Variants in NSMCE2 observed in about 807,000 individuals in gnomAD.
The protein encoded by NSMCE2 is E3 SUMO-protein ligase NSE2.
NSMCE2 carries 24 observed loss-of-function variants against 23.8 expected under a neutral mutation model. The ratio of observed to expected loss-of-function variants is 1.01; its 90% CI spans 0.73 to 1.42. The LOEUF (loss-of-function observed/expected upper bound fraction) is 1.42, where lower values mean the gene tolerates loss of function less well. NSMCE2 is among the 40% of genes most tolerant of loss of function. NSMCE2 has a pLI of 0.00. For missense variants in NSMCE2, 284 were observed against 296.5 expected, an observed-to-expected ratio of 0.96 and a Z score of 0.31; for synonymous variants, 92 against 94.1, an observed-to-expected ratio of 0.98 and a Z score of 0.13.
intron 3 of NSMCE2, among the ~76,000 whole-genome samples, chr8:125,140,478 C>G (rs930967571): frequency 7.9e-5 from 12 of 152,164 alleles, no homozygotes; most frequent in Admixed American, 2.0e-4. Flanking sequence ...GCCTGGCCAA[C>G]ATGGTGAAAC....
chr8:125,212,199 A>G (rs1312761166), intron 5 of NSMCE2, among the ~76,000 whole-genome samples: 4 of 152,188 alleles, frequency 2.6e-5, no homozygotes, highest in East Asian at 1.9e-4. Context: ...GCTCTTTGCT[A>G]CCGACTTTTA....
intron 5 of NSMCE2, among the ~76,000 whole-genome samples, chr8:125,345,139 G>A (rs56117234): frequency 0.027 from 4,084 of 152,180 alleles, 177 homozygotes; most frequent in African/African-American, 0.094. Flanking sequence ...AGAGGTGATC[G>A]GGGGCGTAGA....
chr8:125,196,535 T>G (rs1231600743), intron 5 of NSMCE2, among the ~76,000 whole-genome samples: 2 of 152,190 alleles, frequency 1.3e-5, no homozygotes, highest in African/African-American at 4.8e-5. Flanking sequence ...CATGAACTCA[T>G]CCCTTTTATG....
At chr8:125,211,143 A>G (rs1441550976) in intron 5 of NSMCE2, among the ~76,000 whole-genome samples, 1 of 152,198 alleles carries the variant, frequency 6.6e-6, no homozygotes, top group Non-Finnish European at 1.5e-5. Context: ...TATGTATAAT[A>G]ACATTATTAT....
chr8:125,152,944 A>C (rs1330321161), intron 4 of NSMCE2, among the ~76,000 whole-genome samples: 1 of 150,912 alleles, frequency 6.6e-6, no homozygotes, highest in Non-Finnish European at 1.5e-5. Context: ...GTAATCCCAG[A>C]TACTCAGGAG....
At chr8:125,106,941 A>T (rs1299367061) in intron 3 of NSMCE2, among the ~76,000 whole-genome samples, 2 of 151,572 alleles carry the variant, frequency 1.3e-5, no homozygotes, top group Non-Finnish European at 2.9e-5. Context: ...GGTTGCAGTG[A>T]GCCGAGATCA....
chr8:125,341,780 A>G (rs1830258810), intron 5 of NSMCE2, among the ~76,000 whole-genome samples: 1 of 151,874 alleles, frequency 6.6e-6, no homozygotes, highest in Admixed American at 6.6e-5. Context: ...TGGGTCTTGC[A>G]GAGCACTCCT....
At chr8:125,180,058 T>C (rs750569968) in intron 4 of NSMCE2, among the ~76,000 whole-genome samples, 2 of 152,238 alleles carry the variant, frequency 1.3e-5, no homozygotes, top group Non-Finnish European at 2.9e-5. Context: ...ATAATCCTTT[T>C]CTAAGAACCA....
intron 3 of NSMCE2, among the ~76,000 whole-genome samples, chr8:125,148,565 G>GT (rs962442034): frequency 9.9e-5 from 15 of 152,262 alleles, no homozygotes; most frequent in African/African-American, 3.4e-4. Context: ...AGATACTTTA[G>GT]TGAGTGCCTG....
chr8:125,100,319 TA>T (rs1057063478), intron 1 of NSMCE2, among the ~76,000 whole-genome samples: 60 of 152,274 alleles, frequency 3.9e-4, no homozygotes, highest in African/African-American at 1.3e-3. Flanking sequence ...ACTTCATTCC[TA>T]CCTGCCTTTT....
chr8:125,337,884 CAAAAAAAA>C (rs35658538), intron 5 of NSMCE2, among the ~76,000 whole-genome samples: 2 of 97,376 alleles, frequency 2.1e-5, no homozygotes, highest in Non-Finnish European at 4.0e-5. Flanking sequence ...AACTCTATCT[CAAAAAAAA>C]AAAAAAAAAA....
At chr8:125,094,084 A>G (rs1406238165) in intron 1 of NSMCE2, among the ~76,000 whole-genome samples, 1 of 151,956 alleles carries the variant, frequency 6.6e-6, no homozygotes, top group African/African-American at 2.4e-5. Flanking sequence ...GATTATAGGC[A>G]TGAGCCACCA....
intron 5 of NSMCE2, among the ~76,000 whole-genome samples, chr8:125,194,104 T>C (rs546697035): frequency 3.3e-5 from 5 of 152,170 alleles, no homozygotes; most frequent in Admixed American, 6.5e-5. Flanking sequence ...CCATCTATTA[T>C]CTTATTTAAT....
At chr8:125,302,515 A>G (rs1828605470) in intron 5 of NSMCE2, among the ~76,000 whole-genome samples, 1 of 152,186 alleles carries the variant, frequency 6.6e-6, no homozygotes, top group African/African-American at 2.4e-5. Context: ...GCTTTTACTT[A>G]GAGGTTAATA....
At chr8:125,227,190 C>T (rs546782258) in intron 5 of NSMCE2, among the ~76,000 whole-genome samples, 29 of 152,176 alleles carry the variant, frequency 1.9e-4, no homozygotes, top group East Asian at 7.7e-4. Context: ...GGGGCAGCCT[C>T]CAGATCCACA....
intron 5 of NSMCE2, among the ~76,000 whole-genome samples, chr8:125,216,133 T>C (rs934571288): frequency 7.9e-5 from 12 of 152,252 alleles, no homozygotes; most frequent in Non-Finnish European, 2.9e-5. Context: ...TGTTCACCTA[T>C]GTTGTAGCAT....
chr8:125,227,938 A>G (rs1332525943), intron 5 of NSMCE2, among the ~76,000 whole-genome samples: 1 of 152,166 alleles, frequency 6.6e-6, no homozygotes, highest in Non-Finnish European at 1.5e-5. Context: ...TTGATTTCTA[A>G]TATTTCATGT....
intron 3 of NSMCE2, among the ~76,000 whole-genome samples, chr8:125,106,798 C>A (rs1176394215): frequency 6.6e-6 from 1 of 151,758 alleles, no homozygotes; most frequent in East Asian, 1.9e-4. Flanking sequence ...GAGTTGGAGA[C>A]CAGCCTGGCT....
chr8:125,318,927 T>C (rs1169228437), intron 5 of NSMCE2, among the ~76,000 whole-genome samples: 1 of 152,100 alleles, frequency 6.6e-6, no homozygotes, highest in Non-Finnish European at 1.5e-5. Flanking sequence ...AGTAGAGAGA[T>C]GCACAAAGAG....
Sources: allele counts gnomAD v4.1 joint callset (sites outside exome capture counted in the v4.1 genomes callset), GRCh38; gene constraint gnomAD v4.1.1; transcripts MANE v1.5; gene names NCBI Gene and HGNC (gene_info 2026-07-23, HGNC 2026-07-21).